Variants in ATP8A2 observed in about 807,000 individuals in gnomAD.
ATP8A2 encodes phospholipid-transporting ATPase IB.
In ATP8A2, 100 loss-of-function variants were observed where a neutral mutation model predicts 165.6. That is an observed-to-expected ratio of 0.60 (90% CI 0.51 to 0.71). The LOEUF is 0.71. Among genes scored for constraint, ATP8A2 ranks in the 30% least tolerant of loss-of-function variants. ATP8A2 has a pLI of 0.00. For missense variants in ATP8A2, 1,227 were observed against 1,479.5 expected, an observed-to-expected ratio of 0.83 and a Z score of 2.80; for synonymous variants, 543 against 548.8, an observed-to-expected ratio of 0.99 and a Z score of 0.15.
chr13:25,868,961 C>T lies in ATP8A2; in HGVS notation c.3183+6553C>T, dbSNP rs564028503. The stretch of plus-strand genomic sequence containing the variant: ...GCGGGCGCCTGTAGTCCCAGCTACT[C>T]GGAAGGCTGAGGCAGGTGAATGGCA... On this transcript the variant is annotated intron_variant, in intron 33 of 36. Coordinates refer to ENST00000381655, the MANE Select transcript of ATP8A2 (RefSeq NM_016529.6). Among the ~76,000 whole-genome samples the T allele has an allele frequency of 1.2e-4, 18 of 149,276 alleles. 1 individual carries two copies. The highest frequency in any genetic ancestry group is 2.7e-4 in the African/African-American group (11 of 40,432).
intron 24 of ATP8A2, among the ~76,000 whole-genome samples, chr13:25,679,618 A>G (rs2042441636): frequency 6.6e-6 from 1 of 152,200 alleles, no homozygotes; most frequent in African/African-American, 2.4e-5. Flanking sequence ...CTTGTATACC[A>G]TAGACACCTG....
At chr13:26,018,505 T>C (rs184708949) in intron 36 of ATP8A2, among the ~76,000 whole-genome samples, 1 of 152,326 alleles carries the variant, frequency 6.6e-6, no homozygotes, top group East Asian at 1.9e-4. Flanking sequence ...CCCTGATAAG[T>C]TGTACGCATG....
intron 6 of ATP8A2, among the ~76,000 whole-genome samples, chr13:25,536,941 G>T (rs749318298): frequency 1.3e-5 from 2 of 152,178 alleles, no homozygotes; most frequent in African/African-American, 4.8e-5. Flanking sequence ...GACATGACAC[G>T]CTGGGGCGCT....
intron 33 of ATP8A2, among the ~76,000 whole-genome samples, chr13:25,918,487 A>G (rs1398205818): frequency 1.3e-5 from 2 of 152,230 alleles, no homozygotes. Context: ...ATTAACATCC[A>G]ACAGTGAAAA....
chr13:25,830,804 A>G (rs1182010756), intron 28 of ATP8A2, among the ~76,000 whole-genome samples: 1 of 152,204 alleles, frequency 6.6e-6, no homozygotes, highest in Admixed American at 6.5e-5. Context: ...TTTATTTCTG[A>G]CCCAGTGGGG....
intron 2 of ATP8A2, among the ~76,000 whole-genome samples, chr13:25,490,869 G>A (rs2036509614): frequency 6.6e-6 from 1 of 151,812 alleles, no homozygotes; most frequent in Non-Finnish European, 1.5e-5. Flanking sequence ...AACCTCGTAA[G>A]TAGCTGGGAA....
chr13:25,665,885 A>G (rs924280778), intron 24 of ATP8A2, among the ~76,000 whole-genome samples: 3 of 149,766 alleles, frequency 2.0e-5, no homozygotes, highest in African/African-American at 7.3e-5. Flanking sequence ...ATATATACTT[A>G]TAATAAAATA....
intron 10 of ATP8A2, among the ~76,000 whole-genome samples, chr13:25,545,371 G>A (rs1005287448): frequency 8.6e-5 from 13 of 151,934 alleles, no homozygotes; most frequent in African/African-American, 2.2e-4. Context: ...GTTTCTGAGC[G>A]GCCTGCATAT....
intron 24 of ATP8A2, among the ~76,000 whole-genome samples, chr13:25,595,948 C>T (rs79123383): frequency 3.2e-4 from 48 of 149,514 alleles, no homozygotes; most frequent in African/African-American, 1.0e-3. Context: ...TTCCCATCAG[C>T]GCCCTAACTT....
intron 35 of ATP8A2, among the ~76,000 whole-genome samples, chr13:26,008,764 G>A (rs571697211): frequency 6.6e-6 from 1 of 152,344 alleles, no homozygotes; most frequent in African/African-American, 2.4e-5. Context: ...CTTCAGTGCT[G>A]AAGACAAGAA....
chr13:25,438,366 G>A (rs2034837456), intron 1 of ATP8A2, among the ~76,000 whole-genome samples: 1 of 152,166 alleles, frequency 6.6e-6, no homozygotes, highest in Non-Finnish European at 1.5e-5. Flanking sequence ...AATCTCTGCT[G>A]GGCACCATGG....
intron 25 of ATP8A2, 110 bp downstream of exon 25, chr13:25,699,455 A>T (rs1182984825): frequency 1.2e-6 from 1 of 856,806 alleles, no homozygotes; most frequent in African/African-American, 1.7e-5. Context: ...TTGTATCTAA[A>T]AAAGGCAAAA....
At chr13:25,549,661 G>T (rs1204415379) in intron 10 of ATP8A2, among the ~76,000 whole-genome samples, 7 of 151,882 alleles carry the variant, frequency 4.6e-5, no homozygotes, top group African/African-American at 1.7e-4. Context: ...TGTTATTACT[G>T]TACTGGTTTC....
chr13:25,982,594 C>G (rs954567957), intron 35 of ATP8A2, among the ~76,000 whole-genome samples: 1 of 152,192 alleles, frequency 6.6e-6, no homozygotes, highest in African/African-American at 2.4e-5. Flanking sequence ...CATTTCTGCT[C>G]CATTTTGGCC....
intron 24 of ATP8A2, among the ~76,000 whole-genome samples, chr13:25,696,471 A>G (rs2042836775): frequency 1.3e-5 from 2 of 152,210 alleles, no homozygotes; most frequent in Non-Finnish European, 2.9e-5. Flanking sequence ...AAAATCTGTT[A>G]TTCAGTGAAG....
chr13:25,915,472 G>A (rs779717815), intron 33 of ATP8A2, among the ~76,000 whole-genome samples: 6 of 152,200 alleles, frequency 3.9e-5, no homozygotes, highest in South Asian at 4.1e-4. Context: ...TAGCTGGGTC[G>A]CTGGGCTCAT....
At chr13:25,788,541 G>C (rs1428784336) in intron 27 of ATP8A2, among the ~76,000 whole-genome samples, 1 of 152,188 alleles carries the variant, frequency 6.6e-6, no homozygotes, top group East Asian at 1.9e-4. Context: ...AGGTGGCCTG[G>C]CTGCAACCCT....
chr13:25,837,452 C>T (rs1439955769), intron 29 of ATP8A2, among the ~76,000 whole-genome samples, 167 bp downstream of exon 29: 1 of 151,638 alleles, frequency 6.6e-6, no homozygotes, highest in Non-Finnish European at 1.5e-5. Flanking sequence ...CACACACACA[C>T]ACACACACAC....
At position 25,907,843 on chromosome 13, in the gene ATP8A2, CAGT is replaced by C. The variant is rs919462733; in HGVS notation, c.3183+45438_3183+45440del. Among the ~76,000 whole-genome samples the C allele has an allele frequency of 3.8e-4, 58 of 152,232 alleles. 1 individual carries two copies. Among genetic ancestry groups the C allele is most frequent in the South Asian group, 3.5e-3 (17 of 4,824 alleles). ...AACACCGTATACTCTTAAATAAAAA[CAGT>C]AGAATTTGAGTAAAAAGAGATTTTC... On this transcript the variant is annotated intron_variant, in intron 33 of 36. Transcript: ENST00000381655.
Sources: allele counts gnomAD v4.1 joint callset (sites outside exome capture counted in the v4.1 genomes callset), GRCh38; gene constraint gnomAD v4.1.1; transcripts MANE v1.5; gene names NCBI Gene and HGNC (gene_info 2026-07-23, HGNC 2026-07-21).